Variants in PLD5 observed in about 807,000 individuals in gnomAD.
The protein encoded by PLD5 is inactive phospholipase D5.
PLD5 carries 36 observed loss-of-function variants against 61.1 expected under a neutral mutation model. That is an observed-to-expected ratio of 0.59 (90% CI 0.45 to 0.78). PLD5 has a LOEUF of 0.78. Ranked by LOEUF, PLD5 falls within the 30% of genes least tolerant of loss-of-function variation. The pLI, the probability that PLD5 is intolerant of heterozygous loss-of-function variation, is 0.00. For synonymous variants in PLD5, 243 were observed against 242.8 expected, an observed-to-expected ratio of 1.00 and a Z score of -0.01; for missense variants, 515 against 644.4, an observed-to-expected ratio of 0.80 and a Z score of 2.17.
intron 1 of PLD5, among the ~76,000 whole-genome samples, chr1:242,498,877 G>C (rs1487070410): frequency 1.3e-5 from 2 of 152,130 alleles, no homozygotes; most frequent in African/African-American, 4.8e-5. Flanking sequence ...ATAGATGTTG[G>C]AATGAACATT....
At chr1:242,360,780 A>G (rs1192644942) in intron 1 of PLD5, among the ~76,000 whole-genome samples, 1 of 152,138 alleles carries the variant, frequency 6.6e-6, no homozygotes, top group Non-Finnish European at 1.5e-5. Flanking sequence ...GAAGCCACTC[A>G]TTTTACAATG....
intron 5 of PLD5, among the ~76,000 whole-genome samples, chr1:242,125,336 A>T (rs140911298): frequency 9.9e-4 from 151 of 152,322 alleles, no homozygotes; most frequent in African/African-American, 3.6e-3. Context: ...ATAGCATCTT[A>T]AAAGACCACA....
At chr1:242,171,080 A>G (rs1444844816) in intron 5 of PLD5, among the ~76,000 whole-genome samples, 1 of 152,210 alleles carries the variant, frequency 6.6e-6, no homozygotes, top group Non-Finnish European at 1.5e-5. Flanking sequence ...CCCAAGACAC[A>G]TAATCGTCAG....
intron 2 of PLD5, among the ~76,000 whole-genome samples, chr1:242,302,314 C>G (rs1676100325): frequency 6.6e-6 from 1 of 152,198 alleles, no homozygotes; most frequent in Non-Finnish European, 1.5e-5. Context: ...TGATTGGTTG[C>G]CTCTACAGAC....
intron 2 of PLD5, among the ~76,000 whole-genome samples, chr1:242,303,273 C>G (rs1029047921): frequency 6.6e-6 from 1 of 152,198 alleles, no homozygotes; most frequent in Non-Finnish European, 1.5e-5. Flanking sequence ...CTTTCCTGAG[C>G]CTGCCCTTGG....
intron 4 of PLD5, among the ~76,000 whole-genome samples, chr1:242,245,764 C>T (rs974374453): frequency 5.3e-5 from 8 of 152,066 alleles, no homozygotes; most frequent in South Asian, 2.1e-4. Flanking sequence ...CTGCATATTC[C>T]AAGCACAGAT....
At chr1:242,367,349 G>A (rs907018174) in intron 1 of PLD5, among the ~76,000 whole-genome samples, 4 of 152,140 alleles carry the variant, frequency 2.6e-5, no homozygotes, top group Admixed American at 1.3e-4. Flanking sequence ...GACAGAAATG[G>A]AAAGAGCTCT....
chr1:242,201,937 A>T (rs1669012221), intron 5 of PLD5, among the ~76,000 whole-genome samples: 1 of 152,160 alleles, frequency 6.6e-6, no homozygotes, highest in East Asian at 1.9e-4. Flanking sequence ...GTGTGTGGCC[A>T]GGCGCAGTGG....
intron 1 of PLD5, among the ~76,000 whole-genome samples, chr1:242,507,500 T>C (rs1668765903): frequency 6.6e-6 from 1 of 152,198 alleles, no homozygotes; most frequent in Non-Finnish European, 1.5e-5. Flanking sequence ...TGACAGTGAA[T>C]AAAATGTTAA....
chr1:242,101,244 G>T (rs1558220212), intron 8 of PLD5, among the ~76,000 whole-genome samples: 1 of 151,478 alleles, frequency 6.6e-6, no homozygotes, highest in Non-Finnish European at 1.5e-5. Context: ...TTTGCCATAG[G>T]AACATAGGAA....
chr1:242,153,295 T>C lies in PLD5; in HGVS notation c.736-28630A>G, dbSNP rs138595119. On this transcript the variant is annotated intron_variant, in intron 5 of 9. Coordinates refer to ENST00000536534, the MANE Select transcript of PLD5 (RefSeq NM_001372062.1). ...ATTGCAAAAATTTTCTCCCATTCTG[T>C]AGGCTGCCTGTTCACTCTGATGATA... Among the ~76,000 whole-genome samples, 481 of 152,334 alleles carry C rather than the reference T, an allele frequency of 3.2e-3. 17 individuals are homozygous for C. In the East Asian group the frequency reaches 0.057, roughly 18 times the overall value.
chr1:242,348,185 C>T lies in PLD5; in HGVS notation c.247G>A (p.Ala83Thr), dbSNP rs367961449. The change falls in exon 2 of 10, where the codon GCA becomes ACA. Residue 83 changes from alanine to threonine, a missense_variant. By Grantham distance (58) the Ala-to-Thr change is moderately conservative (BLOSUM62 0). Transcript: ENST00000536534. ...ALVCCFAILV[A>T]LIFSAVDIMG... ...ATGTCCACGGCTGAAAAGATCAGTG[C>T]AACCAGAATGGCAAAGCAGCACACC... 6.8e-6 allele frequency: 11 copies of T among 1,613,590 alleles called. No homozygotes were observed. The African/African-American group carries it at 1.3e-4, about 20-fold the overall frequency.
intron 8 of PLD5, 143 bp downstream of exon 8, chr1:242,107,528 G>T: frequency 1.2e-6 from 1 of 807,990 alleles, no homozygotes; most frequent in Non-Finnish European, 1.9e-6. Flanking sequence ...TGATTGTTTT[G>T]AAAAAATTAC....
At chr1:242,334,838 G>A (rs552689844) in intron 2 of PLD5, among the ~76,000 whole-genome samples, 50 of 152,288 alleles carry the variant, frequency 3.3e-4, no homozygotes, top group African/African-American at 1.1e-3. Flanking sequence ...AGATGGGGCC[G>A]TAGAAACAAA....
intron 2 of PLD5, among the ~76,000 whole-genome samples, chr1:242,335,405 C>T (rs951378389): frequency 1.3e-5 from 2 of 152,086 alleles, no homozygotes; most frequent in African/African-American, 2.4e-5. Flanking sequence ...CTGTCATGAA[C>T]CACAGTCCAC....
At chr1:242,238,023 T>C (rs1304288274) in intron 4 of PLD5, among the ~76,000 whole-genome samples, 1 of 152,204 alleles carries the variant, frequency 6.6e-6, no homozygotes, top group African/African-American at 2.4e-5. Context: ...AATACTTTTC[T>C]TAACAGTTTT....
intron 4 of PLD5, among the ~76,000 whole-genome samples, chr1:242,254,746 C>T (rs1672923090): frequency 6.6e-6 from 1 of 152,162 alleles, no homozygotes; most frequent in African/African-American, 2.4e-5. Flanking sequence ...ACAGTAATGA[C>T]AAGTTTAGAA....
chr1:242,118,885 A>T (rs1307584004), intron 6 of PLD5, among the ~76,000 whole-genome samples: 1 of 152,212 alleles, frequency 6.6e-6, no homozygotes, highest in Non-Finnish European at 1.5e-5. Context: ...CCAGAATAGA[A>T]ATGAATAAAC....
chr1:242,349,811 T>C (rs1660371148), intron 1 of PLD5, among the ~76,000 whole-genome samples: 2 of 152,150 alleles, frequency 1.3e-5, no homozygotes, highest in Admixed American at 6.5e-5. Flanking sequence ...ACCTCCAAGG[T>C]GATGATATTA....
Sources: allele counts gnomAD v4.1 joint callset (sites outside exome capture counted in the v4.1 genomes callset), GRCh38; gene constraint gnomAD v4.1.1; transcripts MANE v1.5; gene names NCBI Gene and HGNC (gene_info 2026-07-23, HGNC 2026-07-21).